The following BEND6 variants were observed in gnomAD, a reference collection of about 807,000 sequenced individuals.
BEND6 encodes BEN domain-containing protein 6.
Under a neutral mutation model 31.8 loss-of-function variants are expected in BEND6, and 24 were observed. The ratio of observed to expected loss-of-function variants is 0.75; its 90% confidence interval spans 0.55 to 1.06. The LOEUF (loss-of-function observed/expected upper bound fraction) is 1.06. Ranked by LOEUF, BEND6 falls within the 50% of genes least tolerant of loss-of-function variation. The pLI, the probability that BEND6 is intolerant of heterozygous loss-of-function variation, is 0.00. For synonymous variants in BEND6, 109 were observed against 114.6 expected (o/e 0.95, Z 0.31); for missense variants, 294 against 327.4 (o/e 0.90, Z 0.79).
At chr6:56,990,906 T>C (rs1223028631) in intron 2 of BEND6, among the ~76,000 whole-genome samples, 4 of 152,192 alleles carry the variant, frequency 2.6e-5, no homozygotes, top group Non-Finnish European at 5.9e-5. Flanking sequence ...AATGACAGTA[T>C]CTCTGAATCT....
chr6:56,977,469 AAT>A (rs901833159), intron 1 of BEND6, among the ~76,000 whole-genome samples: 7 of 152,214 alleles, frequency 4.6e-5, no homozygotes, highest in Admixed American at 2.0e-4. Flanking sequence ...ATGTGTTACA[AAT>A]ATATATAGAG....
At chr6:56,986,368 TTC>T (rs1826273533) in intron 2 of BEND6, among the ~76,000 whole-genome samples, 1 of 151,804 alleles carries the variant, frequency 6.6e-6, no homozygotes, top group Non-Finnish European at 1.5e-5. Context: ...AGCCCAGGAG[TTC>T]GAGGCTGCAG....
intron 3 of BEND6, chr6:57,008,194 G>T (rs1289750080): frequency 4.3e-5 from 30 of 702,786 alleles, no homozygotes; most frequent in Admixed American, 3.6e-4. Flanking sequence ...GGTCCAGAGA[G>T]CTGCCTTAGA....
chr6:56,962,145 C>T (rs552766196), intron 1 of BEND6, among the ~76,000 whole-genome samples: 1 of 152,226 alleles, frequency 6.6e-6, no homozygotes, highest in African/African-American at 2.4e-5. Flanking sequence ...CTTCATCTTC[C>T]ACCATGTGAT....
intron 6 of BEND6, among the ~76,000 whole-genome samples, chr6:57,021,636 C>G (rs1827746104): frequency 6.6e-6 from 1 of 152,128 alleles, no homozygotes; most frequent in Non-Finnish European, 1.5e-5. Flanking sequence ...TTTTTTACTT[C>G]TTTCTTGCAG....
chr6:56,990,935 G>A (rs1453210969), intron 2 of BEND6, among the ~76,000 whole-genome samples: 2 of 152,120 alleles, frequency 1.3e-5, no homozygotes, highest in African/African-American at 2.4e-5. Context: ...CATTTATAAA[G>A]TGGGCATTTC....
intron 1 of BEND6, among the ~76,000 whole-genome samples, chr6:56,968,850 C>T (rs1478497933): frequency 3.9e-5 from 6 of 151,904 alleles, no homozygotes; most frequent in South Asian, 2.1e-4. Context: ...CTGAAGTGGG[C>T]GGATCACGAG....
At chr6:56,988,960 G>A (rs928339750) in intron 2 of BEND6, among the ~76,000 whole-genome samples, 2 of 152,236 alleles carry the variant, frequency 1.3e-5, no homozygotes, top group African/African-American at 4.8e-5. Flanking sequence ...GAACCAGGGA[G>A]GTGGAGGTTG....
At chr6:57,010,126 A>C (rs567575470) in intron 3 of BEND6, 1 of 152,358 alleles carries the variant, frequency 6.6e-6, no homozygotes, top group East Asian at 1.9e-4. Context: ...TTAAAACAGT[A>C]CCTGAATCCG....
chr6:57,019,159 G>A (rs1827660872), intron 6 of BEND6, among the ~76,000 whole-genome samples: 1 of 152,146 alleles, frequency 6.6e-6, no homozygotes, highest in Non-Finnish European at 1.5e-5. Context: ...TTACCAAGAT[G>A]CATGTCCTAT....
intron 1 of BEND6, among the ~76,000 whole-genome samples, chr6:56,972,656 T>G (rs1825730670): frequency 1.3e-5 from 2 of 152,238 alleles, no homozygotes; most frequent in Admixed American, 1.3e-4. Context: ...CTCAATTATG[T>G]CACTTTCTAC....
In BEND6 at chr6:57,018,370, G is replaced by A. The variant is rs145178551; in HGVS notation, c.713-51G>A. 8.5e-4 allele frequency: 1,311 copies of A among 1,540,342 alleles called. 15 individuals are homozygous for A. In the African/African-American group the frequency reaches 0.016, roughly 19 times the overall value. ...TGTTTTACCTCAGTTCATACCCTAAGATGCAAAGCACTCATGAAGTTTCTC... is the reference window on the plus strand; with the variant it reads ...TGTTTTACCTCAGTTCATACCCTAAAATGCAAAGCACTCATGAAGTTTCTC... On this transcript the variant is annotated intron_variant, in intron 5 of 6. Coordinates refer to ENST00000370746, the MANE Select transcript of BEND6 (RefSeq NM_152731.3).
chr6:57,013,827 C>G (rs1034409431), intron 3 of BEND6: 11 of 152,218 alleles, frequency 7.2e-5, no homozygotes, highest in African/African-American at 2.7e-4. Flanking sequence ...CGACATGGAT[C>G]ACATCTGGTT....
At chr6:56,998,019 G>A (rs1346982178) in intron 3 of BEND6, among the ~76,000 whole-genome samples, 1 of 151,996 alleles carries the variant, frequency 6.6e-6, no homozygotes, top group East Asian at 1.9e-4. Flanking sequence ...ACATACAAAA[G>A]ATAATTCACT....
At chr6:56,986,392 T>C (rs1826274428) in intron 2 of BEND6, among the ~76,000 whole-genome samples, 1 of 151,970 alleles carries the variant, frequency 6.6e-6, no homozygotes, top group African/African-American at 2.4e-5. Context: ...GAGCTAAAAT[T>C]GTGTCACTGC....
In BEND6 at chr6:57,027,045, T is replaced by C. The variant is rs750913090; in HGVS notation, c.*973T>C. On this transcript the variant is annotated 3_prime_UTR_variant, in exon 7 of 7. Coordinates refer to ENST00000370746, the MANE Select transcript of BEND6 (RefSeq NM_152731.3). ...TAATCACACACATGAAAGTACCATT[T>C]TGTAACTCAACAAAAGATAAAACAT... 6 of 152,244 alleles carry C rather than the reference T, an allele frequency of 3.9e-5. No individual in the cohort carries two copies. The highest frequency in any genetic ancestry group is 7.3e-5 in the Non-Finnish European group (5 of 68,042). The allele number at this position is 152,244 out of a possible 1,614,324, so 9.4% of individuals were successfully genotyped here.
At chr6:56,966,362 A>G (rs1038459697) in intron 1 of BEND6, among the ~76,000 whole-genome samples, 9 of 152,132 alleles carry the variant, frequency 5.9e-5, no homozygotes, top group Admixed American at 6.5e-5. Context: ...TCGGCCTCCC[A>G]AAGTGCTAGG....
At position 57,026,197 on chromosome 6, in the gene BEND6, G is replaced by A. The variant is rs1423107434; in HGVS notation, c.*125G>A. 1 of 152,216 alleles carries A rather than the reference G, an allele frequency of 6.6e-6. No homozygotes were observed. The highest frequency in any genetic ancestry group is 1.5e-5 in the Non-Finnish European group (1 of 68,046). 9.4% of individuals were successfully genotyped at this position (152,216 alleles called of 1,614,324 possible). A position where few individuals can be genotyped will look rare whatever the true frequency, so the allele number is the denominator to read the frequency against. ...AGACAGACATGTGCAGTGACAGGCTGTAAGACATATGTAACATTGCTGAGC... is the reference window on the plus strand; with the variant it reads ...AGACAGACATGTGCAGTGACAGGCTATAAGACATATGTAACATTGCTGAGC... On this transcript the variant is annotated 3_prime_UTR_variant, in exon 7 of 7. Transcript: ENST00000370746.
At chr6:57,015,780 C>T (rs1372755641) in intron 4 of BEND6, among the ~76,000 whole-genome samples, 2 of 148,418 alleles carry the variant, frequency 1.3e-5, no homozygotes, top group East Asian at 2.0e-4. Flanking sequence ...CACTGCACTC[C>T]AGCCTGGGCG....
Sources: gnomAD v4.1 joint callset for allele counts (sites outside exome capture counted in the v4.1 genomes callset) on GRCh38, gnomAD v4.1.1 for gene constraint, MANE v1.5 for transcripts, NCBI Gene and HGNC (gene_info 2026-07-23, HGNC 2026-07-21) for gene names.